Variants in PRDM1 observed in about 807,000 individuals in gnomAD.
PRDM1 encodes PR/SET domain 1.
In PRDM1, 13 loss-of-function variants were observed where a neutral mutation model predicts 62.8. The ratio of observed to expected loss-of-function variants is 0.21; its 90% CI spans 0.13 to 0.33. PRDM1 has a LOEUF of 0.33. Ranked by LOEUF, PRDM1 falls within the 10% of genes least tolerant of loss-of-function variation. PRDM1 has a pLI of 1.00. For synonymous variants in PRDM1, 396 were observed against 417.6 expected (o/e 0.95, Z 0.63); for missense variants, 895 against 1,058.8 (o/e 0.85, Z 2.15).
intron 2 of PRDM1, among the ~76,000 whole-genome samples, chr6:106,094,317 A>ATAAAAC (rs569694153): frequency 9.2e-5 from 14 of 152,244 alleles, no homozygotes; most frequent in Admixed American, 3.3e-4. Flanking sequence ...TGAGAAGAAA[A>ATAAAAC]TAAAACTAGG....
chr6:106,068,948 G>A (rs1420260668), intron 1 of PRDM1, among the ~76,000 whole-genome samples: 1 of 152,128 alleles, frequency 6.6e-6, no homozygotes, highest in Non-Finnish European at 1.5e-5. Flanking sequence ...AGCTGCAGGT[G>A]ACTTCCTATC....
At chr6:106,040,984 G>T (rs1238698046) in intron 1 of PRDM1, among the ~76,000 whole-genome samples, 3 of 152,142 alleles carry the variant, frequency 2.0e-5, no homozygotes, top group Non-Finnish European at 2.9e-5. Context: ...ATGGGCCTTA[G>T]TTTACTTTCC....
In PRDM1 at chr6:106,043,087, C is replaced by T. The variant is rs548963869; in HGVS notation, c.-66-45114C>T. On this transcript the variant is annotated intron_variant, in intron 1 of 6. Transcript: ENST00000652320. Reference sequence around the variant, plus strand: ...GCTGGTCTTGAACTCCTGACCTTAGCTGATCTGCTCACCTTGGCCTCCCAA... The same window carrying T: ...GCTGGTCTTGAACTCCTGACCTTAGTTGATCTGCTCACCTTGGCCTCCCAA... Among the ~76,000 whole-genome samples, 26 of 152,160 alleles carry T rather than the reference C, an allele frequency of 1.7e-4. No homozygotes were observed. The South Asian group carries it at 1.9e-3, about 11-fold the overall frequency.
chr6:106,090,120 G>A (rs1181464962), intron 2 of PRDM1, among the ~76,000 whole-genome samples: 1 of 152,150 alleles, frequency 6.6e-6, no homozygotes, highest in African/African-American at 2.4e-5. Context: ...CCAGACCGGG[G>A]ACTTGAAGCA....
At chr6:106,086,141 C>A (rs1308432320), upstream of PRDM1, among the ~76,000 whole-genome samples, 1 of 152,110 alleles carries the variant, frequency 6.6e-6, no homozygotes, top group Non-Finnish European at 1.5e-5. Context: ...TAAGTGCCTT[C>A]AAAGGGAAGT....
chr6:106,105,122 C>G lies in PRDM1; in HGVS notation c.962C>G (p.Pro321Arg). The G allele has an allele frequency of 6.2e-7, 1 of 1,613,850 alleles. No individual in the cohort carries two copies. Among genetic ancestry groups the G allele is most frequent in the East Asian group, 2.2e-5 (1 of 44,864 alleles). Residue 321 changes from proline to arginine, a missense_variant, in exon 5 of 7, where the codon CCC becomes CGC. By Grantham distance (103) the Pro-to-Arg change is moderately radical (BLOSUM62 -2). This residue lies in a region of PRDM1 where 444 missense variants were observed against 422.7 expected (regional missense o/e 1.05). Transcript: ENST00000369096. ...KASLAYGIER[P>R]TYITRSPIPS... ...TCCCTGGCCTACGGGATCGAGAGAC[C>G]CACGTACATCACTCGCTCCCCCATT...
intron 1 of PRDM1, among the ~76,000 whole-genome samples, chr6:106,011,511 G>A (rs1399027029): frequency 6.6e-6 from 1 of 152,156 alleles, no homozygotes. Flanking sequence ...GTATGTGCGA[G>A]GGGAGCAAGC....
intron 1 of PRDM1, among the ~76,000 whole-genome samples, chr6:106,062,709 G>A (rs1194468836): frequency 1.3e-5 from 2 of 152,102 alleles, no homozygotes; most frequent in Non-Finnish European, 2.9e-5. Context: ...TGAATCATAG[G>A]TTTTGACTAA....
chr6:106,108,493 G>A lies in PRDM1; in HGVS notation c.*1007G>A, dbSNP rs478295. On this transcript the variant is annotated 3_prime_UTR_variant, in exon 7 of 7. Transcript: ENST00000369096. ...TGTGCGATTTGGGGGCTTGAGTCTG[G>A]GTGGTGTTTTGTTGTTGGTTTTTGT... is the stretch of plus-strand genomic sequence containing the variant. 0.051 allele frequency: 11,695 copies of A among 229,548 alleles called. 450 individuals are homozygous for A. The highest frequency in any genetic ancestry group is 0.15 in the South Asian group (808 of 5,284). The allele number at this position is 229,548 out of a possible 1,614,324, so 14.2% of individuals were successfully genotyped here. A position where few individuals can be genotyped will look rare whatever the true frequency, so the allele number is the denominator to read the frequency against.
chr6:106,030,387 G>A (rs565142099), intron 1 of PRDM1, among the ~76,000 whole-genome samples: 1 of 152,116 alleles, frequency 6.6e-6, no homozygotes, highest in Non-Finnish European at 1.5e-5. Flanking sequence ...TGCCCAGGCT[G>A]GTCTCAAACT....
In PRDM1 at chr6:106,106,627, T is replaced by C; in HGVS notation, c.1902+128T>C. ...TCTGCGTTGTCCCATCCTGGACTGA[T>C]GGCACTATGGTCCTTCCCAGTACTT... On this transcript the variant is annotated intron_variant, in intron 6 of 6. Transcript: ENST00000369096. The surrounding 1 kb of genome is among the most constrained non-coding windows in gnomAD (Gnocchi z 4.4). 1.5e-6 allele frequency: 2 copies of C among 1,310,510 alleles called. No individual in the cohort carries two copies. Among genetic ancestry groups the C allele is most frequent in the South Asian group, 1.4e-5 (1 of 71,768 alleles). 81.2% of individuals were successfully genotyped at this position (1,310,510 alleles called of 1,614,324 possible). A position where few individuals can be genotyped will look rare whatever the true frequency, so the allele number is the denominator to read the frequency against.
At chr6:106,006,675 G>A (rs1445321649) in intron 1 of PRDM1, among the ~76,000 whole-genome samples, 1 of 151,884 alleles carries the variant, frequency 6.6e-6, no homozygotes, top group Non-Finnish European at 1.5e-5. Flanking sequence ...TACACATAAC[G>A]AAGAAATTAC....
rs1472659431 is a variant in PRDM1, at chr6:106,099,418, A to C, written c.530A>C (p.Gln177Pro). The C allele has an allele frequency of 6.2e-7, 1 of 1,614,250 alleles. No individual in the cohort carries two copies. Residue 177 changes from glutamine to proline, a missense_variant, in exon 4 of 7, where the codon CAG (glutamine) becomes CCG (proline). This residue lies in a region of PRDM1 where 213 missense variants were observed against 283.9 expected (regional missense o/e 0.75). Coordinates refer to ENST00000369096, the MANE Select transcript of PRDM1 (RefSeq NM_001198.4). The part of the protein sequence containing the change: ...SPREQNLAAC[Q>P]NGMNIYFYTI... ...CGGGAGCAAAACCTGGCTGCGTGTC[A>C]GAACGGGATGAACATCTACTTCTAC...
At chr6:106,052,826 C>T (rs902805140) in intron 1 of PRDM1, among the ~76,000 whole-genome samples, 1 of 151,926 alleles carries the variant, frequency 6.6e-6, no homozygotes, top group South Asian at 2.1e-4. Flanking sequence ...CAAAAATTAG[C>T]CAGGCATGGT....
chr6:106,105,993 G>A, intron 5 of PRDM1, 60 bp downstream of exon 5: 1 of 1,551,634 alleles, frequency 6.4e-7, no homozygotes, highest in Non-Finnish European at 8.7e-7. Flanking sequence ...TTTGTATTTA[G>A]CTTGCTTTCC....
intron 2 of PRDM1, among the ~76,000 whole-genome samples, chr6:106,093,228 T>A (rs1774009565): frequency 6.6e-6 from 1 of 152,200 alleles, no homozygotes; most frequent in Admixed American, 6.5e-5. Context: ...CTAGTTGACT[T>A]CTTTTTGGGC....
At chr6:106,017,517 G>A (rs974799701) in intron 1 of PRDM1, among the ~76,000 whole-genome samples, 3 of 152,182 alleles carry the variant, frequency 2.0e-5, no homozygotes, top group East Asian at 1.9e-4. Flanking sequence ...TACCCTTGCC[G>A]GAGGGCACCG....
intron 1 of PRDM1, among the ~76,000 whole-genome samples, chr6:106,016,142 C>T (rs902825980): frequency 1.3e-5 from 2 of 152,150 alleles, no homozygotes; most frequent in African/African-American, 4.8e-5. Context: ...CATATTGTAG[C>T]ATGTATCAGA....
chr6:106,024,587 A>G (rs947614399), intron 1 of PRDM1, among the ~76,000 whole-genome samples: 2 of 152,204 alleles, frequency 1.3e-5, no homozygotes, highest in Admixed American at 6.5e-5. Context: ...TCAAATGATT[A>G]TTTTCTTCAT....
Sources: allele counts gnomAD v4.1 joint callset (sites outside exome capture counted in the v4.1 genomes callset), GRCh38; gene constraint gnomAD v4.1.1; regional missense constraint gnomAD v4.1.1; non-coding constraint Gnocchi (gnomAD v3.1); transcripts MANE v1.5; gene names NCBI Gene and HGNC (gene_info 2026-07-23, HGNC 2026-07-21).